Variants in SLC22A23 observed in about 807,000 individuals in gnomAD.
SLC22A23 encodes the protein solute carrier family 22 member 23.
A neutral mutation model predicts 61.0 loss-of-function variants in SLC22A23; 26 were observed. The observed-to-expected ratio is 0.43, with a 90% CI of 0.31 to 0.59. The LOEUF (loss-of-function observed/expected upper bound fraction) is 0.59. Among genes scored for constraint, SLC22A23 ranks in the 20% least tolerant of loss-of-function variants. The pLI, the probability that SLC22A23 is intolerant of heterozygous loss-of-function variation, is 0.11. For missense variants in SLC22A23, 796 were observed against 934.7 expected (o/e 0.85, Z 1.94); for synonymous variants, 430 against 413.9 (o/e 1.04, Z -0.47).
intron 4 of SLC22A23, chr6:3,313,153 T>C (rs1033486764): frequency 5.9e-5 from 9 of 152,218 alleles, no homozygotes; most frequent in Admixed American, 2.0e-4. Flanking sequence ...TGTGGAGTGT[T>C]GTCTGAGGGC....
intron 1 of SLC22A23, among the ~76,000 whole-genome samples, chr6:3,451,016 G>A (rs750206188): frequency 3.9e-5 from 6 of 152,158 alleles, no homozygotes; most frequent in Non-Finnish European, 8.8e-5. Flanking sequence ...AAATTCATGA[G>A]AACAGAGGAA....
intron 3 of SLC22A23, among the ~76,000 whole-genome samples, chr6:3,355,630 G>A (rs1220575885): frequency 6.6e-6 from 1 of 152,130 alleles, no homozygotes; most frequent in African/African-American, 2.4e-5. Flanking sequence ...CCCGCTCCCT[G>A]TATCAGCCCC....
chr6:3,341,941 C>T (rs1469764878), intron 3 of SLC22A23, among the ~76,000 whole-genome samples: 2 of 152,090 alleles, frequency 1.3e-5, no homozygotes, highest in African/African-American at 4.8e-5. Flanking sequence ...ATTTCCTAAA[C>T]AAATCCTAGG....
chr6:3,394,638 C>A (rs896173004), intron 3 of SLC22A23, among the ~76,000 whole-genome samples: 12 of 152,156 alleles, frequency 7.9e-5, no homozygotes, highest in Admixed American at 2.0e-4. Flanking sequence ...GTGATCCCCC[C>A]CAAACACAAA....
chr6:3,380,390 A>C (rs964439023), intron 3 of SLC22A23, among the ~76,000 whole-genome samples: 1 of 152,200 alleles, frequency 6.6e-6, no homozygotes, highest in African/African-American at 2.4e-5. Flanking sequence ...TATTCCAGGG[A>C]ATAACTAATT....
At chr6:3,399,388 A>T (rs1768227514) in intron 3 of SLC22A23, among the ~76,000 whole-genome samples, 1 of 152,244 alleles carries the variant, frequency 6.6e-6, no homozygotes. Flanking sequence ...TAAAAAATGA[A>T]CCATGTGTTA....
chr6:3,280,608 G>A (rs182446951), intron 9 of SLC22A23, among the ~76,000 whole-genome samples: 4,086 of 145,396 alleles, frequency 0.028, 198 homozygotes, highest in African/African-American at 0.099. Context: ...CCATTCTCCT[G>A]CCTCAGCCTC....
chr6:3,284,113 G>T, intron 8 of SLC22A23, 138 bp from the exon 9 acceptor site: 1 of 832,660 alleles, frequency 1.2e-6, no homozygotes, highest in Non-Finnish European at 1.8e-6. Flanking sequence ...TCCCTCTGGG[G>T]ACCAAGCAGC....
intron 1 of SLC22A23, among the ~76,000 whole-genome samples, chr6:3,419,651 G>A (rs1412777127): frequency 6.6e-6 from 1 of 152,132 alleles, no homozygotes; most frequent in African/African-American, 2.4e-5. Flanking sequence ...TTGGGACAGT[G>A]ACCTTCTAAT....
intron 3 of SLC22A23, among the ~76,000 whole-genome samples, chr6:3,405,528 T>C (rs972881184): frequency 1.1e-4 from 16 of 152,180 alleles, no homozygotes; most frequent in Non-Finnish European, 1.9e-4. Context: ...ACAAGGTAGC[T>C]GAAGCCATTT....
At position 3,430,160 on chromosome 6, in the gene SLC22A23, G is replaced by C. The variant is rs1254892520; in HGVS notation, c.655-14305C>G. 2.0e-5 allele frequency among the ~76,000 whole-genome samples: 3 copies of C among 152,222 alleles called. No homozygotes were observed. In the East Asian group the frequency reaches 5.8e-4, roughly 29 times the overall value. On this transcript the variant is annotated intron_variant, in intron 1 of 9. Coordinates refer to ENST00000406686, the MANE Select transcript of SLC22A23 (RefSeq NM_015482.2). ...CATGGATGGCAGAGCACTCTGAAGA[G>C]AATCCTGGATTAGGCAGCAGAAAGC...
intron 3 of SLC22A23, among the ~76,000 whole-genome samples, chr6:3,367,977 C>T (rs1436466189): frequency 2.0e-5 from 3 of 152,180 alleles, no homozygotes; most frequent in Non-Finnish European, 4.4e-5. Context: ...CATCTCTCTG[C>T]GTCTTCACCA....
chr6:3,346,948 T>C (rs545771883), intron 3 of SLC22A23, among the ~76,000 whole-genome samples: 3 of 152,300 alleles, frequency 2.0e-5, no homozygotes, highest in Non-Finnish European at 2.9e-5. Flanking sequence ...AAAGATACTA[T>C]GGGAATTCCC....
chr6:3,275,396 G>A (rs544393982), intron 9 of SLC22A23, among the ~76,000 whole-genome samples: 34 of 152,278 alleles, frequency 2.2e-4, no homozygotes, highest in African/African-American at 5.8e-4. Context: ...GCTTTATGAC[G>A]TTGGGTTAGG....
At chr6:3,332,592 C>T (rs895525213) in intron 3 of SLC22A23, among the ~76,000 whole-genome samples, 1 of 152,202 alleles carries the variant, frequency 6.6e-6, no homozygotes, top group African/African-American at 2.4e-5. Flanking sequence ...CTTTCCCTCT[C>T]TTCTCTGTAA....
rs751980537 is a variant in SLC22A23, at chr6:3,273,259, G to A, written c.1857C>T (p.Pro619=). ...CAGGCAGGTTCTGGTCCCTGCTCTC[G>A]GGCAGCAGGAGGATGCAGATGATGC... The part of the protein sequence containing the change: ...LICIICILLL[P]ESRDQNLPEN... The change falls in exon 10 of 10, where the codon CCC becomes CCT. Residue 619 remains proline, a synonymous_variant. Transcript: ENST00000406686. 32 of 1,613,174 alleles carry A rather than the reference G, an allele frequency of 2.0e-5. No individual in the cohort carries two copies. Among genetic ancestry groups the A allele is most frequent in the African/African-American group, 1.9e-4 (14 of 75,050 alleles).
Position 3,289,879 on chromosome 6 carries a change from A to G in SLC22A23, c.1211-13T>C. The G allele has an allele frequency of 6.2e-7, 1 of 1,611,436 alleles. No individual in the cohort carries two copies. The highest frequency in any genetic ancestry group is 8.5e-7 in the Non-Finnish European group (1 of 1,178,546). Reference sequence around the variant, plus strand: ...TCTTTCTCCAGCTCTGCAAAGAAACAGACCCTGTGAGCCCTGGGCAGGCCG... The same window carrying G: ...TCTTTCTCCAGCTCTGCAAAGAAACGGACCCTGTGAGCCCTGGGCAGGCCG... On this transcript the variant is annotated splice_polypyrimidine_tract_variant and intron_variant, in intron 5 of 9. Transcript: ENST00000406686.
chr6:3,284,190 G>A (rs374928190), intron 8 of SLC22A23: 82 of 453,798 alleles, frequency 1.8e-4, no homozygotes, highest in East Asian at 5.5e-4. Flanking sequence ...GTCCCTGTGC[G>A]TCAAGCATGC....
At position 3,333,544 on chromosome 6, in the gene SLC22A23, G is replaced by A. The variant is rs1332558376; in HGVS notation, c.914-9542C>T. Among the ~76,000 whole-genome samples the A allele has an allele frequency of 6.6e-6, 1 of 152,028 alleles. No homozygotes were observed. The highest frequency in any genetic ancestry group is 1.5e-5 in the Non-Finnish European group (1 of 68,014). ...AGCAAGCACACCCCCCTTCTGGGCTGTGCACTCCCCGTCTGTCCTCCCCAG... is the reference window on the plus strand; with the variant it reads ...AGCAAGCACACCCCCCTTCTGGGCTATGCACTCCCCGTCTGTCCTCCCCAG... On this transcript the variant is annotated intron_variant, in intron 3 of 9. Coordinates refer to ENST00000406686, the MANE Select transcript of SLC22A23 (RefSeq NM_015482.2). This position sits in a 1 kb window ranked among gnomAD's most constrained non-coding sequence, Gnocchi z 4.1.
Sources: allele counts gnomAD v4.1 joint callset (sites outside exome capture counted in the v4.1 genomes callset), GRCh38; gene constraint gnomAD v4.1.1; non-coding constraint Gnocchi (gnomAD v3.1); transcripts MANE v1.5; gene names NCBI Gene and HGNC (gene_info 2026-07-23, HGNC 2026-07-21).